Variants in RORA observed in about 807,000 individuals in gnomAD.
RORA encodes the protein nuclear receptor ROR-alpha.
A neutral mutation model predicts 69.5 loss-of-function variants in RORA; 7 were observed. The observed-to-expected ratio is 0.10, with a 90% CI of 0.06 to 0.19. RORA has a LOEUF of 0.19. Among genes scored for constraint, RORA ranks in the 10% least tolerant of loss-of-function variants. The pLI, the probability that RORA is intolerant of heterozygous loss-of-function variation, is 1.00. For missense variants in RORA, 457 were observed against 663.0 expected, an observed-to-expected ratio of 0.69 and a Z score of 3.41; for synonymous variants, 261 against 240.8, an observed-to-expected ratio of 1.08 and a Z score of -0.78.
intron 3 of RORA, among the ~76,000 whole-genome samples, chr15:60,520,998 ATAGAAAAT>A (rs1814852317): frequency 6.6e-6 from 1 of 152,156 alleles, no homozygotes; most frequent in African/African-American, 2.4e-5. Flanking sequence ...GCTATTGCAA[ATAGAAAAT>A]TAGAATAAAA....
At chr15:60,525,656 A>G (rs2066329626) in intron 3 of RORA, among the ~76,000 whole-genome samples, 1 of 152,236 alleles carries the variant, frequency 6.6e-6, no homozygotes, top group Non-Finnish European at 1.5e-5. Context: ...GAATGCTCGT[A>G]TGCCTGCCCA....
At chr15:60,928,054 C>T (rs1284887929) in intron 1 of RORA, among the ~76,000 whole-genome samples, 3 of 152,140 alleles carry the variant, frequency 2.0e-5, no homozygotes, top group Non-Finnish European at 4.4e-5. Context: ...GATTTTCCTC[C>T]CATCCTCCCA....
chr15:60,995,862 G>A (rs1241203424), intron 1 of RORA, among the ~76,000 whole-genome samples: 6 of 152,198 alleles, frequency 3.9e-5, no homozygotes, highest in Non-Finnish European at 4.4e-5. Flanking sequence ...TTCAAGAAAA[G>A]CAGTCAATAT....
At chr15:60,660,143 A>G (rs911753718) in intron 2 of RORA, among the ~76,000 whole-genome samples, 1 of 152,224 alleles carries the variant, frequency 6.6e-6, no homozygotes, top group East Asian at 1.9e-4. Flanking sequence ...ATTTCACCCA[A>G]TTCACAATCC....
intron 1 of RORA, among the ~76,000 whole-genome samples, chr15:61,103,506 G>A (rs2078909669): frequency 1.3e-5 from 2 of 152,154 alleles, no homozygotes; most frequent in Non-Finnish European, 2.9e-5. Flanking sequence ...CTCCCCACAT[G>A]GAGCTGACTT....
intron 2 of RORA, among the ~76,000 whole-genome samples, chr15:60,667,167 C>G (rs1394261342): frequency 5.3e-5 from 8 of 152,190 alleles, no homozygotes; most frequent in African/African-American, 1.9e-4. Flanking sequence ...AGACTGGGCT[C>G]TCTTCCCTAA....
At chr15:61,115,747 G>A (rs1039850480) in intron 1 of RORA, among the ~76,000 whole-genome samples, 1 of 152,086 alleles carries the variant, frequency 6.6e-6, no homozygotes, top group East Asian at 1.9e-4. Flanking sequence ...ACCAAGCGGG[G>A]ATCAACAATG....
intron 2 of RORA, among the ~76,000 whole-genome samples, chr15:60,569,913 C>T (rs748276274): frequency 1.5e-4 from 23 of 152,070 alleles, no homozygotes; most frequent in Non-Finnish European, 2.9e-4. Context: ...GATGCAAATA[C>T]GTCAGCAAAA....
At chr15:60,518,190 T>C (rs2141371292) in intron 3 of RORA, among the ~76,000 whole-genome samples, 1 of 152,334 alleles carries the variant, frequency 6.6e-6, no homozygotes, top group East Asian at 1.9e-4. Flanking sequence ...TTCAAAAGTC[T>C]GAAGTCCCTA....
chr15:60,618,682 A>G (rs34753428), intron 2 of RORA, among the ~76,000 whole-genome samples: 29,733 of 152,200 alleles, frequency 0.2, 3,584 homozygotes, highest in East Asian at 0.44. Context: ...GTATTTTCTC[A>G]TTTCAGGATA....
intron 1 of RORA, among the ~76,000 whole-genome samples, chr15:61,170,749 A>G (rs1350175479): frequency 6.6e-6 from 1 of 152,262 alleles, no homozygotes; most frequent in Non-Finnish European, 1.5e-5. Flanking sequence ...ACTAGCAGTC[A>G]AAAGAGAAGT....
chr15:60,978,284 CT>C (rs1292021931), intron 1 of RORA, among the ~76,000 whole-genome samples: 1 of 152,124 alleles, frequency 6.6e-6, no homozygotes, highest in Non-Finnish European at 1.5e-5. Context: ...TCATGAACAT[CT>C]TTTTGCAGTG....
At chr15:60,977,605 A>C (rs1260033115) in intron 1 of RORA, among the ~76,000 whole-genome samples, 2 of 152,196 alleles carry the variant, frequency 1.3e-5, no homozygotes, top group African/African-American at 4.8e-5. Context: ...AGCTGTTAGC[A>C]GACAATCCAA....
intron 1 of RORA, among the ~76,000 whole-genome samples, chr15:61,044,346 C>T (rs1279550185): frequency 2.6e-5 from 4 of 152,066 alleles, no homozygotes; most frequent in African/African-American, 4.8e-5. Flanking sequence ...TGTCACCTTC[C>T]GCTCCTCTCA....
At chr15:60,673,983 A>G (rs1341002741) in intron 2 of RORA, among the ~76,000 whole-genome samples, 1 of 152,218 alleles carries the variant, frequency 6.6e-6, no homozygotes, top group African/African-American at 2.4e-5. Context: ...GTACTAGGTT[A>G]TCCCTTTTCC....
chr15:60,665,810 G>C (rs1406559767), intron 2 of RORA, among the ~76,000 whole-genome samples: 3 of 152,088 alleles, frequency 2.0e-5, no homozygotes, highest in Non-Finnish European at 4.4e-5. Flanking sequence ...TAGTAGCTGA[G>C]ATTACAGGCG....
At chr15:60,548,300 C>CATTGGGTTGTCATTA in intron 2 of RORA, among the ~76,000 whole-genome samples, 1 of 152,170 alleles carries the variant, frequency 6.6e-6, no homozygotes, top group African/African-American at 2.4e-5. Context: ...GAGCACATAG[C>CATTGGGTTGTCATTA]ATTGGGTTGT....
At chr15:60,566,234 G>A (rs370716242) in intron 2 of RORA, among the ~76,000 whole-genome samples, 206 of 152,206 alleles carry the variant, frequency 1.4e-3, no homozygotes, top group African/African-American at 4.7e-3. Flanking sequence ...ATTTAACTCT[G>A]TAAAAATACT....
intron 1 of RORA, among the ~76,000 whole-genome samples, chr15:61,216,700 C>T (rs1019725822): frequency 1.3e-5 from 2 of 152,088 alleles, no homozygotes; most frequent in Admixed American, 1.3e-4. Context: ...AAGGAAGAAG[C>T]CAGACAGGTA....
Sources: allele counts gnomAD v4.1 joint callset (sites outside exome capture counted in the v4.1 genomes callset), GRCh38; gene constraint gnomAD v4.1.1; transcripts MANE v1.5; gene names NCBI Gene and HGNC (gene_info 2026-07-23, HGNC 2026-07-21).